Variants in LRRK1 observed in about 807,000 individuals in gnomAD.
LRRK1 encodes leucine-rich repeat serine/threonine-protein kinase 1.
A neutral mutation model predicts 209.1 loss-of-function variants in LRRK1; 113 were observed. That is an observed-to-expected ratio of 0.54 (90% CI 0.46 to 0.63). LRRK1 has a LOEUF of 0.63. Ranked by LOEUF, LRRK1 falls within the 30% of genes least tolerant of loss-of-function variation. LRRK1 has a pLI of 0.00. For missense variants in LRRK1, 2,284 were observed against 2,632.2 expected, an observed-to-expected ratio of 0.87 and a Z score of 2.89; for synonymous variants, 1,144 against 1,099.7, an observed-to-expected ratio of 1.04 and a Z score of -0.80.
At position 101,072,783 on chromosome 15, in the gene LRRK1, C is replaced by T. The variant is rs923803021; in HGVS notation, c.*3935C>T. 2.0e-5 allele frequency: 3 copies of T among 152,322 alleles called. No homozygotes were observed. The highest frequency in any genetic ancestry group is 7.2e-5 in the African/African-American group (3 of 41,432). 9.4% of individuals were successfully genotyped at this position (152,322 alleles called of 1,614,324 possible). A position where few individuals can be genotyped will look rare whatever the true frequency, so the allele number is the denominator to read the frequency against. On this transcript the variant is annotated 3_prime_UTR_variant, in exon 34 of 34. Transcript: ENST00000388948. The stretch of plus-strand genomic sequence containing the variant: ...ACAAACCCCCTTTTTCCTTTACCTA[C>T]CCAAATCTTATAAAACGGCCTCACG...
At chr15:101,025,662 C>T (rs1241302849) in intron 16 of LRRK1, among the ~76,000 whole-genome samples, 1 of 152,178 alleles carries the variant, frequency 6.6e-6, no homozygotes, top group Non-Finnish European at 1.5e-5. Context: ...TTTCCACAAT[C>T]AGCTCCTCTG....
rs2035842834 is a variant in LRRK1 at position 101,056,907 on chromosome 15, C to T, written c.4384C>T (p.Arg1462Cys). Residue 1462 changes from arginine (R) to cysteine (C), a missense_variant, in exon 28 of 34, where the codon CGC (arginine) becomes TGC (cysteine). By Grantham distance (180) the Arg-to-Cys change is radical. Around this residue, in one of 6 missense-constraint regions of LRRK1, gnomAD observed 59 missense variants for 103.8 expected, o/e 0.57. Transcript: ENST00000388948. Reference sequence around the variant, plus strand: ...GCTCTACGAGTTGCTGTCAGGACAGCGCCCTGCACTGGGCCACCACCAGCT... The same window carrying T: ...GCTCTACGAGTTGCTGTCAGGACAGTGCCCTGCACTGGGCCACCACCAGCT... ...MVLYELLSGQ[R>C]PALGHHQLQI... is the part of the protein sequence containing the mutation. 3 of 1,613,778 alleles carry T rather than the reference C, an allele frequency of 1.9e-6. No homozygotes were observed. The highest frequency in any genetic ancestry group is 2.5e-6 in the Non-Finnish European group (3 of 1,179,834).
In LRRK1 at chr15:100,937,764, T is replaced by C. The variant is rs532386363; in HGVS notation, c.97+13035T>C. On this transcript the variant is annotated intron_variant, in intron 2 of 33. Transcript: ENST00000388948. ...GTTAGCCAGGATGGTCTCGATCTCCTGACCTCGTGATCCGCCCGTCTCGGC... is the reference window on the plus strand; with the variant it reads ...GTTAGCCAGGATGGTCTCGATCTCCCGACCTCGTGATCCGCCCGTCTCGGC... Among the ~76,000 whole-genome samples the C allele has an allele frequency of 5.1e-4, 77 of 152,180 alleles. 2 individuals carry two copies. The East Asian group carries it at 9.1e-3, about 18-fold the overall frequency.
rs1017793470 is a variant in LRRK1 at position 101,077,118 on chromosome 15, A to G, written c.*8270A>G. 9.8e-5 allele frequency: 15 copies of G among 152,344 alleles called. No homozygotes were observed. The highest frequency in any genetic ancestry group is 3.4e-4 in the African/African-American group (14 of 41,580). 9.4% of individuals were successfully genotyped at this position (152,344 alleles called of 1,614,324 possible). A position where few individuals can be genotyped will look rare whatever the true frequency, so the allele number is the denominator to read the frequency against. Reference sequence around the variant, plus strand: ...GCCACCAACTTAAAAAAGACTGGACAATACTTTTACCACTTTCCCTTCTCA... The same window carrying G: ...GCCACCAACTTAAAAAAGACTGGACGATACTTTTACCACTTTCCCTTCTCA... On this transcript the variant is annotated 3_prime_UTR_variant, in exon 34 of 34. Coordinates refer to ENST00000388948, the MANE Select transcript of LRRK1 (RefSeq NM_024652.6).
chr15:100,948,596 T>C (rs1339495806), intron 2 of LRRK1, among the ~76,000 whole-genome samples: 2 of 152,228 alleles, frequency 1.3e-5, no homozygotes, highest in Non-Finnish European at 2.9e-5. Flanking sequence ...GGAGTTTTTA[T>C]CCTTATATGT....
rs190634069 is a variant in LRRK1, at chr15:100,940,610, T to C, written c.97+15881T>C. On this transcript the variant is annotated intron_variant, in intron 2 of 33. Transcript: ENST00000388948. ...TCCCAAGAGTTTTAGTTGATTCTTG[T>C]TTGTGGATGCTGCATCCTCCTGTTT... is the stretch of plus-strand genomic sequence containing the variant. 7.9e-5 allele frequency among the ~76,000 whole-genome samples: 12 copies of C among 152,292 alleles called. No homozygotes were observed. The East Asian group carries it at 2.1e-3, about 27-fold the overall frequency.
At chr15:101,025,084 GC>G in intron 16 of LRRK1, 117 bp downstream of exon 16, 1 of 1,023,312 alleles carries the variant, frequency 9.8e-7, no homozygotes, top group Non-Finnish European at 1.4e-6. Flanking sequence ...GCCACAGAGG[GC>G]CCCAGAACCG....
At chr15:100,951,021 T>G (rs1326896789) in intron 2 of LRRK1, among the ~76,000 whole-genome samples, 1 of 152,206 alleles carries the variant, frequency 6.6e-6, no homozygotes, top group Admixed American at 6.5e-5. Context: ...GAGAATGGCG[T>G]GAACCCGGGA....
chr15:100,948,804 A>C (rs1321294791), intron 2 of LRRK1, among the ~76,000 whole-genome samples: 2 of 152,218 alleles, frequency 1.3e-5, no homozygotes, highest in East Asian at 1.9e-4. Flanking sequence ...TCACAAAAAA[A>C]CAGAATATAC....
At chr15:100,953,128 G>A (rs373302394) in intron 2 of LRRK1, among the ~76,000 whole-genome samples, 42 of 152,088 alleles carry the variant, frequency 2.8e-4, no homozygotes, top group African/African-American at 6.0e-4. Context: ...TTGTGTGCCC[G>A]TGTGTATTAA....
At chr15:101,054,706 G>GGCAGGAGCTAC (rs1342641582) in intron 26 of LRRK1, among the ~76,000 whole-genome samples, 1 of 152,122 alleles carries the variant, frequency 6.6e-6, no homozygotes, top group Non-Finnish European at 1.5e-5. Context: ...ACTCAACTTG[G>GGCAGGAGCTAC]GAGGCTGAGG....
chr15:100,944,728 G>C (rs2042504568), intron 2 of LRRK1, among the ~76,000 whole-genome samples: 1 of 152,200 alleles, frequency 6.6e-6, no homozygotes, highest in African/African-American at 2.4e-5. Context: ...TCTCAGCCTG[G>C]AAGACATGCA....
chr15:101,065,687 C>T lies in LRRK1; in HGVS notation c.5250C>T (p.Val1750=). 3 of 1,614,064 alleles carry T rather than the reference C, an allele frequency of 1.9e-6. No homozygotes were observed. Among genetic ancestry groups the T allele is most frequent in the African/African-American group, 1.3e-5 (1 of 75,022 alleles). ...VCSSEGRGEE[V]VWCLDDKANS... ...GCTCTGAGGGCAGAGGGGAGGAGGT[C>T]GTCTGGTGCCTGGATGACAAGGCCA... Residue 1750 remains valine, a synonymous_variant, in exon 32 of 34, where the codon GTC becomes GTT. Coordinates refer to ENST00000388948, the MANE Select transcript of LRRK1 (RefSeq NM_024652.6).
rs758131541 is a variant in LRRK1 at position 101,024,881 on chromosome 15, G to T, written c.2146G>T (p.Asp716Tyr). ...MATVNQCFFTDKALYVVVWNL... is the reference protein window; with the variant it reads ...MATVNQCFFTYKALYVVVWNL... ...CACTGTCAACCAGTGCTTCTTCACG[G>T]ACAAGGCCCTGTACGTGGTGGTCTG... Residue 716 changes from aspartate to tyrosine, a missense_variant, in exon 16 of 34, where the codon GAC becomes TAC. Asp to Tyr is a radical substitution (Grantham distance 160). Around this residue, in one of 6 missense-constraint regions of LRRK1, gnomAD observed 780 missense variants for 985.2 expected, o/e 0.79. Transcript: ENST00000388948. This position sits in a 1 kb window ranked among gnomAD's most constrained non-coding sequence, Gnocchi z 4.6. 9 of 1,614,178 alleles carry T rather than the reference G, an allele frequency of 5.6e-6. No homozygotes were observed. The highest frequency in any genetic ancestry group is 7.6e-6 in the Non-Finnish European group (9 of 1,179,994).
rs761183211 is a variant in LRRK1 at position 101,061,298 on chromosome 15, G to A, written c.4797+10G>A. ...GTGGACAGCCACCGAGGTAAGCACTGCCCGCAGGCCTGCCCACCGAGGTAA... is the reference window on the plus strand; with the variant it reads ...GTGGACAGCCACCGAGGTAAGCACTACCCGCAGGCCTGCCCACCGAGGTAA... On this transcript the variant is annotated intron_variant, in intron 30 of 33. Coordinates refer to ENST00000388948, the MANE Select transcript of LRRK1 (RefSeq NM_024652.6). 24 of 1,591,646 alleles carry A rather than the reference G, an allele frequency of 1.5e-5. No homozygotes were observed. The Admixed American group carries it at 2.8e-4, about 19-fold the overall frequency.
At chr15:101,005,332 C>G (rs2032892246) in intron 6 of LRRK1, among the ~76,000 whole-genome samples, 1 of 151,384 alleles carries the variant, frequency 6.6e-6, no homozygotes, top group Admixed American at 6.6e-5. Context: ...CCACCGGAAA[C>G]AATATTGGGA....
chr15:101,058,617 C>CGGGGGGTGG (rs2035958159), intron 29 of LRRK1, among the ~76,000 whole-genome samples: 20 of 75,344 alleles, frequency 2.7e-4, no homozygotes, highest in South Asian at 4.2e-4. Flanking sequence ...GAAGGGGCAA[C>CGGGGGGTGG]GGGGGGGGGC....
intron 4 of LRRK1, among the ~76,000 whole-genome samples, chr15:100,987,761 C>T (rs553834115): frequency 1.5e-4 from 23 of 152,146 alleles, no homozygotes; most frequent in African/African-American, 5.3e-4. Context: ...CAAACTGAAA[C>T]AGAGAGAGAT....
chr15:100,982,755 T>C (rs1596233818), intron 3 of LRRK1, among the ~76,000 whole-genome samples: 1 of 152,320 alleles, frequency 6.6e-6, no homozygotes, highest in African/African-American at 2.4e-5. Context: ...TTCGCAAGGC[T>C]GACTTAACAT....
Sources: allele counts gnomAD v4.1 joint callset (sites outside exome capture counted in the v4.1 genomes callset), GRCh38; gene constraint gnomAD v4.1.1; regional missense constraint gnomAD v4.1.1; non-coding constraint Gnocchi (gnomAD v3.1); transcripts MANE v1.5; gene names NCBI Gene and HGNC (gene_info 2026-07-23, HGNC 2026-07-21).